Variants in CDH12 observed in about 807,000 individuals in gnomAD.
CDH12 encodes cadherin 12.
Under a neutral mutation model 74.1 loss-of-function variants are expected in CDH12, and 41 were observed. The observed-to-expected ratio is 0.55, with a 90% CI of 0.43 to 0.72. CDH12 has a LOEUF of 0.72. CDH12 is among the 30% of genes least tolerant of loss of function. The pLI, the probability that CDH12 is intolerant of heterozygous loss-of-function variation, is 0.00. For synonymous variants in CDH12, 399 were observed against 355.0 expected (o/e 1.12, Z -1.39); for missense variants, 945 against 977.2 (o/e 0.97, Z 0.44).
intron 3 of CDH12, among the ~76,000 whole-genome samples, chr5:22,332,275 T>C (rs1367231882): frequency 6.6e-6 from 1 of 151,338 alleles, no homozygotes; most frequent in Non-Finnish European, 1.5e-5. Context: ...AGAAAAAAAA[T>C]AACATAAAAT....
chr5:22,739,027 C>A (rs1340818915), intron 1 of CDH12, among the ~76,000 whole-genome samples: 1 of 151,904 alleles, frequency 6.6e-6, no homozygotes, highest in Non-Finnish European at 1.5e-5. Context: ...ACATGAAAAA[C>A]TATACATTAA....
At chr5:22,449,246 A>C (rs968402439) in intron 2 of CDH12, among the ~76,000 whole-genome samples, 1 of 152,074 alleles carries the variant, frequency 6.6e-6, no homozygotes. Context: ...GCACAATTGC[A>C]CACCATTTTC....
At chr5:22,479,157 T>C (rs1746288996) in intron 2 of CDH12, among the ~76,000 whole-genome samples, 1 of 152,234 alleles carries the variant, frequency 6.6e-6, no homozygotes, top group Non-Finnish European at 1.5e-5. Context: ...CATCAACATT[T>C]TCTTGTTTCA....
At chr5:22,430,653 A>G (rs1317808297) in intron 2 of CDH12, among the ~76,000 whole-genome samples, 4 of 152,090 alleles carry the variant, frequency 2.6e-5, no homozygotes, top group African/African-American at 9.7e-5. Flanking sequence ...CTGAGTAGGT[A>G]TACTGCAACA....
intron 1 of CDH12, among the ~76,000 whole-genome samples, chr5:22,579,192 C>T (rs186376673): frequency 7.9e-5 from 12 of 152,218 alleles, no homozygotes; most frequent in East Asian, 7.7e-4. Flanking sequence ...ATTTAAAAGA[C>T]GGAGTTTATG....
chr5:21,958,110 C>T (rs1043731404), intron 6 of CDH12, among the ~76,000 whole-genome samples: 2 of 152,154 alleles, frequency 1.3e-5, no homozygotes, highest in African/African-American at 4.8e-5. Flanking sequence ...CTCTTCCCAG[C>T]TTTGCCTGGT....
intron 5 of CDH12, among the ~76,000 whole-genome samples, chr5:21,988,456 C>T (rs1757606869): frequency 1.5e-5 from 2 of 132,548 alleles, no homozygotes; most frequent in Admixed American, 1.7e-4. Flanking sequence ...CATTGCACTG[C>T]ACTCCAGCCT....
At chr5:22,752,815 C>G (rs1745663797) in intron 1 of CDH12, among the ~76,000 whole-genome samples, 1 of 151,500 alleles carries the variant, frequency 6.6e-6, no homozygotes, top group Non-Finnish European at 1.5e-5. Context: ...ACCTCGTGAT[C>G]CGCCCGCCTC....
intron 4 of CDH12, among the ~76,000 whole-genome samples, chr5:22,099,857 G>A (rs973644843): frequency 7.9e-5 from 12 of 151,860 alleles, no homozygotes; most frequent in Non-Finnish European, 1.0e-4. Flanking sequence ...CTCTTATTCC[G>A]TTTACTTTTT....
At chr5:22,501,990 C>G (rs955990119) in intron 2 of CDH12, among the ~76,000 whole-genome samples, 4 of 152,084 alleles carry the variant, frequency 2.6e-5, no homozygotes, top group African/African-American at 4.8e-5. Context: ...AAGGCAGATC[C>G]TAGATTTGTT....
At chr5:22,313,050 C>T (rs906572655) in intron 3 of CDH12, among the ~76,000 whole-genome samples, 1 of 152,184 alleles carries the variant, frequency 6.6e-6, no homozygotes, top group African/African-American at 2.4e-5. Context: ...TAGGCCACTA[C>T]ATCCCATCCA....
intron 4 of CDH12, among the ~76,000 whole-genome samples, chr5:22,117,517 A>ATG (rs1561129267): frequency 1.1e-5 from 1 of 87,442 alleles, no homozygotes; most frequent in East Asian, 2.9e-4. Flanking sequence ...TATATAATAT[A>ATG]TATATAATAT....
intron 1 of CDH12, among the ~76,000 whole-genome samples, chr5:22,657,671 T>C (rs1008065795): frequency 6.6e-6 from 1 of 152,178 alleles, no homozygotes; most frequent in Non-Finnish European, 1.5e-5. Flanking sequence ...AAATGAATTA[T>C]AATTCAAAAT....
intron 6 of CDH12, among the ~76,000 whole-genome samples, chr5:21,916,330 G>T (rs1044473260): frequency 6.6e-6 from 1 of 152,152 alleles, no homozygotes; most frequent in Admixed American, 6.5e-5. Context: ...TATTGAATGA[G>T]TTGGACTCAG....
chr5:22,842,439 C>T (rs1429062943), intron 1 of CDH12, among the ~76,000 whole-genome samples: 1 of 151,908 alleles, frequency 6.6e-6, no homozygotes, highest in East Asian at 1.9e-4. Context: ...AAGACATGGC[C>T]CATTAGAGTG....
intron 4 of CDH12, among the ~76,000 whole-genome samples, chr5:22,147,897 A>G (rs1270517757): frequency 6.6e-6 from 1 of 152,194 alleles, no homozygotes; most frequent in African/African-American, 2.4e-5. Context: ...GCCAAGCTGT[A>G]TCATTATCAG....
intron 4 of CDH12, among the ~76,000 whole-genome samples, chr5:22,179,796 AT>A (rs1749537215): frequency 6.6e-6 from 1 of 152,194 alleles, no homozygotes; most frequent in Non-Finnish European, 1.5e-5. Context: ...TTTAGCACCT[AT>A]AGAGTTCTAA....
chr5:22,656,375 C>T (rs1378508108), intron 1 of CDH12, among the ~76,000 whole-genome samples: 1 of 152,084 alleles, frequency 6.6e-6, no homozygotes, highest in Non-Finnish European at 1.5e-5. Flanking sequence ...TAGACATTTA[C>T]AATTGAAAAT....
rs189113514 is a variant in CDH12, at chr5:22,529,430, G to T, written c.-522-24066C>A. On this transcript the variant is annotated intron_variant, in intron 1 of 14. Coordinates refer to ENST00000382254, the MANE Select transcript of CDH12 (RefSeq NM_004061.5). ...GGCTCAAGATCCAGAAAGAGCTAAT[G>T]TTCCCATTTAATCCATTGGCAGGAA... Among the ~76,000 whole-genome samples, 16 of 151,898 alleles carry T rather than the reference G, an allele frequency of 1.1e-4. No individual in the cohort carries two copies. In the East Asian group the frequency reaches 2.9e-3, roughly 28 times the overall value.
Sources: allele counts gnomAD v4.1 joint callset (sites outside exome capture counted in the v4.1 genomes callset), GRCh38; gene constraint gnomAD v4.1.1; transcripts MANE v1.5; gene names NCBI Gene and HGNC (gene_info 2026-07-23, HGNC 2026-07-21).